CRPPA: variants seen among roughly 807,000 people sequenced by gnomAD.
CRPPA encodes CDP-L-ribitol pyrophosphorylase A, also known as D-ribitol-5-phosphate cytidylyltransferase.
CRPPA carries 43 observed loss-of-function variants against 52.0 expected under a neutral mutation model. The ratio of observed to expected loss-of-function variants is 0.83; its 90% CI spans 0.65 to 1.07. The LOEUF (loss-of-function observed/expected upper bound fraction) is 1.07, where lower values mean the gene tolerates loss of function less well. CRPPA is among the 50% of genes least tolerant of loss of function. CRPPA has a pLI of 0.00. For missense variants in CRPPA, 629 were observed against 551.7 expected (o/e 1.14, Z -1.40); for synonymous variants, 250 against 203.5 (o/e 1.23, Z -1.94).
intron 5 of CRPPA, among the ~76,000 whole-genome samples, chr7:16,287,910 A>AAAGG (rs200678619): frequency 5.7e-5 from 8 of 139,888 alleles, no homozygotes; most frequent in Non-Finnish European, 9.4e-5. Context: ...TGAAAAAAAG[A>AAAGG]AAGGAAGGAA....
Position 16,173,623 on chromosome 7 carries a change from C to T in CRPPA, c.1251+42443G>A, listed in dbSNP as rs560348122. ...CAGCAATTTATAAGAATCAATGGTACTCTAATTTAGCAATATATATTTATA... is the reference window on the plus strand; with the variant it reads ...CAGCAATTTATAAGAATCAATGGTATTCTAATTTAGCAATATATATTTATA... On this transcript the variant is annotated intron_variant, in intron 9 of 9. Coordinates refer to ENST00000407010, the MANE Select transcript of CRPPA (RefSeq NM_001101426.4). Among the ~76,000 whole-genome samples, 74 of 152,240 alleles carry T rather than the reference C, an allele frequency of 4.9e-4. 1 individual carries two copies. The highest frequency in any genetic ancestry group is 1.2e-3 in the Admixed American group (19 of 15,282).
chr7:16,421,138 AC>A lies in CRPPA; in HGVS notation c.184del (p.Val62SerfsTer29), dbSNP rs1048457038. On this transcript the variant is annotated frameshift_variant, in exon 1 of 10. Transcript: ENST00000407010. LOFTEE classifies it high-confidence loss of function. Reference sequence around the variant, plus strand: ...GGGGCAGAATTGCTTCGGGGTGGGGACCCCCATCCTCTCCCCGCACCCCCCG... The same window carrying A: ...GGGGCAGAATTGCTTCGGGGTGGGGACCCCATCCTCTCCCCGCACCCCCCG... Reference protein sequence around the residue: ...PAGGCGERMGVPTPKQFCPIL... With the variant: ...PAGGCGERMGXPTPKQFCPIL... The A allele has an allele frequency of 6.8e-6, 9 of 1,323,230 alleles. No individual in the cohort carries two copies. Among genetic ancestry groups the A allele is most frequent in the South Asian group, 2.2e-5 (1 of 45,268 alleles). The allele number at this position is 1,323,230 out of a possible 1,614,324, so 82.0% of individuals were successfully genotyped here.
chr7:16,254,771 C>CAGAAAGAAAGAAAGAAAGAAAGAA (rs373072535), intron 8 of CRPPA, among the ~76,000 whole-genome samples: 1 of 110,968 alleles, frequency 9.0e-6, no homozygotes, highest in African/African-American at 3.5e-5. Flanking sequence ...GACAGACACA[C>CAGAAAGAAAGAAAGAAAGAAAGAA]AGAAAGAAAG....
intron 9 of CRPPA, among the ~76,000 whole-genome samples, chr7:16,125,020 G>A (rs1039426620): frequency 6.6e-6 from 1 of 151,996 alleles, no homozygotes; most frequent in Non-Finnish European, 1.5e-5. Flanking sequence ...AGCACTTTGG[G>A]AGGCAGAGGT....
intron 7 of CRPPA, 36 bp from the exon 8 acceptor site, chr7:16,258,518 CG>C: frequency 7.8e-7 from 1 of 1,280,306 alleles, no homozygotes; most frequent in Non-Finnish European, 1.1e-6. Context: ...TATGAGAAGA[CG>C]TTTTTAAATG....
intron 9 of CRPPA, among the ~76,000 whole-genome samples, chr7:16,114,045 A>G (rs534340570): frequency 1.3e-5 from 2 of 152,170 alleles, no homozygotes; most frequent in South Asian, 4.1e-4. Flanking sequence ...GTAACTGATC[A>G]AACTTGAAAT....
intron 3 of CRPPA, among the ~76,000 whole-genome samples, chr7:16,370,099 A>C (rs992048720): frequency 6.6e-6 from 1 of 152,190 alleles, no homozygotes; most frequent in Non-Finnish European, 1.5e-5. Context: ...GCCATTCCTG[A>C]CTATATTTCA....
intron 9 of CRPPA, among the ~76,000 whole-genome samples, chr7:16,167,319 T>G (rs934047615): frequency 1.3e-5 from 2 of 152,222 alleles, no homozygotes; most frequent in Non-Finnish European, 2.9e-5. Context: ...CCTGTTTGGG[T>G]TGAGCTGATC....
At chr7:16,209,443 T>C (rs1243801415) in intron 9 of CRPPA, among the ~76,000 whole-genome samples, 2 of 151,988 alleles carry the variant, frequency 1.3e-5, no homozygotes, top group Admixed American at 1.3e-4. Context: ...GGCTAATTTT[T>C]GTACGTTTAG....
intron 9 of CRPPA, among the ~76,000 whole-genome samples, chr7:16,125,268 A>C (rs929917067): frequency 4.6e-5 from 7 of 150,936 alleles, no homozygotes; most frequent in African/African-American, 1.7e-4. Context: ...AAAAAAAAAA[A>C]AAAAAAAAAA....
intron 4 of CRPPA, among the ~76,000 whole-genome samples, chr7:16,306,906 C>T (rs368048756): frequency 6.6e-5 from 10 of 151,934 alleles, no homozygotes; most frequent in Admixed American, 1.3e-4. Flanking sequence ...ATTTCTTTAC[C>T]GCATAAATTT....
intron 8 of CRPPA, among the ~76,000 whole-genome samples, chr7:16,226,381 C>T (rs1782652267): frequency 6.6e-6 from 1 of 151,766 alleles, no homozygotes. Flanking sequence ...TTTTGCTTTA[C>T]TTTGTTGGGA....
intron 8 of CRPPA, among the ~76,000 whole-genome samples, chr7:16,253,576 A>C (rs1376131209): frequency 6.6e-6 from 1 of 152,166 alleles, no homozygotes; most frequent in Non-Finnish European, 1.5e-5. Flanking sequence ...AAGGATGTAT[A>C]TTCTGTTGAT....
At chr7:16,329,660 T>C (rs931570521) in intron 3 of CRPPA, among the ~76,000 whole-genome samples, 1 of 152,154 alleles carries the variant, frequency 6.6e-6, no homozygotes, top group East Asian at 1.9e-4. Flanking sequence ...CATCAGTAAA[T>C]TGCAGTTACA....
chr7:16,252,521 G>A (rs1783487453), intron 8 of CRPPA, among the ~76,000 whole-genome samples: 1 of 152,112 alleles, frequency 6.6e-6, no homozygotes, highest in African/African-American at 2.4e-5. Flanking sequence ...ATTTTATTGA[G>A]GATTTTTGCA....
At chr7:16,148,650 G>C (rs371464985) in intron 9 of CRPPA, among the ~76,000 whole-genome samples, 3 of 152,214 alleles carry the variant, frequency 2.0e-5, no homozygotes, top group East Asian at 3.9e-4. Context: ...GTAATGGCCA[G>C]GGGAAAACAG....
chr7:16,318,296 G>A (rs1233333706), intron 3 of CRPPA, among the ~76,000 whole-genome samples: 1 of 152,000 alleles, frequency 6.6e-6, no homozygotes, highest in African/African-American at 2.4e-5. Flanking sequence ...TCAAAATCAC[G>A]TAATCTGTTT....
At chr7:16,188,375 C>T (rs966694302) in intron 9 of CRPPA, among the ~76,000 whole-genome samples, 6 of 152,078 alleles carry the variant, frequency 3.9e-5, no homozygotes, top group African/African-American at 1.4e-4. Context: ...CTATTAAATA[C>T]ATAGTTCAAT....
At chr7:16,287,905 A>AAAAG (rs1181172978) in intron 5 of CRPPA, among the ~76,000 whole-genome samples, 1 of 148,376 alleles carries the variant, frequency 6.7e-6, no homozygotes, top group Non-Finnish European at 1.5e-5. Flanking sequence ...CTGGGTGAAA[A>AAAAG]AAAGAAAGGA....
Sources: gnomAD v4.1 joint callset for allele counts (sites outside exome capture counted in the v4.1 genomes callset) on GRCh38, gnomAD v4.1.1 for gene constraint, MANE v1.5 for transcripts, NCBI Gene and HGNC (gene_info 2026-07-23, HGNC 2026-07-21) for gene names.